Variants in UNC13A observed in about 807,000 individuals in gnomAD.
UNC13A encodes the protein unc-13 homolog A.
UNC13A carries 61 observed loss-of-function variants against 219.7 expected under a neutral mutation model. The ratio of observed to expected loss-of-function variants is 0.28; its 90% CI spans 0.23 to 0.34. The LOEUF (loss-of-function observed/expected upper bound fraction) is 0.34, where lower values mean the gene tolerates loss of function less well. Ranked by LOEUF, UNC13A falls within the 10% of genes least tolerant of loss-of-function variation. The pLI, the probability that UNC13A is intolerant of heterozygous loss-of-function variation, is 1.00. For synonymous variants in UNC13A, 920 were observed against 884.6 expected, an observed-to-expected ratio of 1.04 and a Z score of -0.71; for missense variants, 1,476 against 2,270.3, an observed-to-expected ratio of 0.65 and a Z score of 7.11.
At chr19:17,607,861 A>AC (rs905179267) in intron 43 of UNC13A, among the ~76,000 whole-genome samples, 6 of 101,578 alleles carry the variant, frequency 5.9e-5, no homozygotes, top group Admixed American at 2.2e-4. Flanking sequence ...CCATCCATCT[A>AC]CCCCCGTGAA....
At chr19:17,611,611 G>C (rs1257995486) in intron 42 of UNC13A, among the ~76,000 whole-genome samples, 152 bp downstream of exon 42, 2 of 152,226 alleles carry the variant, frequency 1.3e-5, no homozygotes, top group Non-Finnish European at 2.9e-5. Flanking sequence ...TACACTGCTG[G>C]ATCCAGCCAT....
chr19:17,683,315 A>C (rs141929030), intron 1 of UNC13A, among the ~76,000 whole-genome samples: 7 of 152,190 alleles, frequency 4.6e-5, no homozygotes, highest in African/African-American at 1.7e-4. Context: ...GGGCATGGGC[A>C]TAAAAATCCT....
At chr19:17,666,370 G>T (rs1241064177) in intron 7 of UNC13A, among the ~76,000 whole-genome samples, 1 of 143,022 alleles carries the variant, frequency 7.0e-6, no homozygotes, top group Non-Finnish European at 1.5e-5. Context: ...CCACCACCAT[G>T]CCTGTTCATT....
chr19:17,609,274 C>G (rs2076576154), intron 43 of UNC13A, among the ~76,000 whole-genome samples: 2 of 151,954 alleles, frequency 1.3e-5, no homozygotes, highest in African/African-American at 4.8e-5. Flanking sequence ...TCGGCCAGAG[C>G]AGACTTTTTT....
intron 34 of UNC13A, 148 bp from the exon 35 acceptor site, chr19:17,625,100 G>C: frequency 2.4e-6 from 3 of 1,241,912 alleles, no homozygotes; most frequent in East Asian, 5.1e-5. Context: ...ATGGGGCTAT[G>C]ATATCTGATG....
intron 9 of UNC13A, among the ~76,000 whole-genome samples, chr19:17,657,845 G>C (rs555831395): frequency 6.6e-6 from 1 of 151,216 alleles, no homozygotes; most frequent in South Asian, 2.1e-4. Context: ...CTCCAGCCTG[G>C]GTGACAGAGC....
rs1555696438 is a variant in UNC13A, at chr19:17,658,273, G to C, written c.560-4C>G. The C allele has an allele frequency of 1.2e-6, 2 of 1,609,770 alleles. No individual in the cohort carries two copies. The highest frequency in any genetic ancestry group is 1.7e-6 in the Non-Finnish European group (2 of 1,177,960). Reference sequence around the variant, plus strand: ...ACTGCACTGTCGGGGTCATCGTCTGGAAGAGAGAGGCGGTATGGGAAGAGG... The same window carrying C: ...ACTGCACTGTCGGGGTCATCGTCTGCAAGAGAGAGGCGGTATGGGAAGAGG... On this transcript the variant is annotated splice_region_variant and splice_polypyrimidine_tract_variant and intron_variant, in intron 8 of 43. Transcript: ENST00000519716.
chr19:17,681,849 G>T lies in UNC13A; in HGVS notation c.23-5808C>A, dbSNP rs116358871. On this transcript the variant is annotated intron_variant, in intron 1 of 43. Transcript: ENST00000519716. The stretch of plus-strand genomic sequence containing the variant: ...GGCCCTGGGGGACCCCTCTTGGAGC[G>T]CTCCTCGGGCCCCAGAATGCAGTGG... 8.2e-3 allele frequency among the ~76,000 whole-genome samples: 1,247 copies of T among 152,180 alleles called. 23 individuals are homozygous for T. Among genetic ancestry groups the T allele is most frequent in the African/African-American group, 0.028 (1,167 of 41,512 alleles).
rs2076497134 is a variant in UNC13A, at chr19:17,604,184, T to C, written c.*1870A>G. The C allele has an allele frequency of 6.6e-6, 1 of 152,232 alleles. No individual in the cohort carries two copies. Among genetic ancestry groups the C allele is most frequent in the African/African-American group, 2.4e-5 (1 of 41,430 alleles). 9.4% of individuals were successfully genotyped at this position (152,232 alleles called of 1,614,324 possible). A position where few individuals can be genotyped will look rare whatever the true frequency, so the allele number is the denominator to read the frequency against. ...GTCCCCAAAGCACCTCCACCTCTCCTCACTGGTTTTAGTCTTCACAAAACA... is the reference window on the plus strand; with the variant it reads ...GTCCCCAAAGCACCTCCACCTCTCCCCACTGGTTTTAGTCTTCACAAAACA... On this transcript the variant is annotated 3_prime_UTR_variant, in exon 44 of 44. Transcript: ENST00000519716.
chr19:17,610,189 G>C (rs1230999942), intron 42 of UNC13A, 90 bp from the exon 43 acceptor site: 2 of 1,560,092 alleles, frequency 1.3e-6, no homozygotes, highest in Admixed American at 3.4e-5. Context: ...CCCAAGGCTG[G>C]GCGCAGTGGC....
chr19:17,624,922 C>T lies in UNC13A; in HGVS notation c.4104G>A (p.Lys1368=), dbSNP rs774867143. The T allele has an allele frequency of 8.7e-6, 14 of 1,613,602 alleles. No individual in the cohort carries two copies. The highest frequency in any genetic ancestry group is 1.3e-5 in the African/African-American group (1 of 74,914). ...NLTLFAKICE[K]TVLKRVLKEL... ...CCTTCAGCACTCGCTTCAGCACAGTCTTCTCACAGATTTTGGCAAAGAGGG... is the reference window on the plus strand; with the variant it reads ...CCTTCAGCACTCGCTTCAGCACAGTTTTCTCACAGATTTTGGCAAAGAGGG... The change falls in exon 35 of 44, where the codon AAG becomes AAA. Residue 1368 remains lysine, a synonymous_variant. Coordinates refer to ENST00000519716, the MANE Select transcript of UNC13A (RefSeq NM_001080421.3).
intron 34 of UNC13A, 35 bp from the exon 35 acceptor site, chr19:17,624,987 GCT>G (rs775081679): frequency 2.5e-6 from 4 of 1,599,338 alleles, no homozygotes; most frequent in Non-Finnish European, 3.4e-6. Context: ...AGAGGGCCCA[GCT>G]CGCCCCCACC....
intron 31 of UNC13A, chr19:17,628,303 A>T: frequency 8.8e-6 from 2 of 227,332 alleles, no homozygotes; most frequent in Non-Finnish European, 8.6e-6. Flanking sequence ...ACAGTGACAC[A>T]CTGAAGGCGT....
intron 28 of UNC13A, among the ~76,000 whole-genome samples, chr19:17,631,600 A>G (rs528517187): frequency 6.6e-6 from 1 of 152,160 alleles, no homozygotes; most frequent in Admixed American, 6.5e-5. Context: ...CGACACCACA[A>G]TTCTCAGGAA....
chr19:17,610,199 C>T (rs986395696), intron 42 of UNC13A, 100 bp from the exon 43 acceptor site: 20 of 1,521,268 alleles, frequency 1.3e-5, no homozygotes, highest in Non-Finnish European at 1.5e-5. Flanking sequence ...GGCGCAGTGG[C>T]TCACGCTTGT....
intron 7 of UNC13A, among the ~76,000 whole-genome samples, chr19:17,664,010 G>C (rs2079598798): frequency 6.6e-6 from 1 of 150,694 alleles, no homozygotes; most frequent in Non-Finnish European, 1.5e-5. Flanking sequence ...TGTGGAGATG[G>C]ATCTTGCTAT....
chr19:17,605,943 TG>T lies in UNC13A; in HGVS notation c.*110del. On this transcript the variant is annotated 3_prime_UTR_variant, in exon 44 of 44. Transcript: ENST00000519716. ...GCGTAGGCGCAGCCCACCCTTGGCGTGGAGCCCCCCGAGCCCCGCCCCTGGG... is the reference window on the plus strand; with the variant it reads ...GCGTAGGCGCAGCCCACCCTTGGCGTGAGCCCCCCGAGCCCCGCCCCTGGG... 9.6e-7 allele frequency: 1 copy of T among 1,042,482 alleles called. No individual in the cohort carries two copies. The highest frequency in any genetic ancestry group is 1.3e-6 in the Non-Finnish European group (1 of 781,936). The allele number at this position is 1,042,482 out of a possible 1,614,324, so 64.6% of individuals were successfully genotyped here.
chr19:17,685,358 T>C (rs2145938305), intron 1 of UNC13A, among the ~76,000 whole-genome samples: 1 of 152,092 alleles, frequency 6.6e-6, no homozygotes, highest in East Asian at 1.9e-4. Context: ...ACCTGGCTAA[T>C]TTTTTTTATT....
In UNC13A at chr19:17,603,437, C is replaced by T. The variant is rs889830559; in HGVS notation, c.*2617G>A. On this transcript the variant is annotated 3_prime_UTR_variant, in exon 44 of 44. Coordinates refer to ENST00000519716, the MANE Select transcript of UNC13A (RefSeq NM_001080421.3). The stretch of plus-strand genomic sequence containing the variant: ...CATCCACCCGACCCCTACCCTCAGC[C>T]ATGTCATGGTTCGAAATTCACATCT... 1.3e-5 allele frequency: 2 copies of T among 152,346 alleles called. No individual in the cohort carries two copies. Among genetic ancestry groups the T allele is most frequent in the Non-Finnish European group, 2.9e-5 (2 of 68,106 alleles). The allele number at this position is 152,346 out of a possible 1,614,324, so 9.4% of individuals were successfully genotyped here. A position where few individuals can be genotyped will look rare whatever the true frequency, so the allele number is the denominator to read the frequency against.
Sources: allele counts gnomAD v4.1 joint callset (sites outside exome capture counted in the v4.1 genomes callset), GRCh38; gene constraint gnomAD v4.1.1; transcripts MANE v1.5; gene names NCBI Gene and HGNC (gene_info 2026-07-23, HGNC 2026-07-21).